Variants in LGSN observed in about 807,000 individuals in gnomAD.
The protein encoded by LGSN is lengsin, lens protein with glutamine synthetase domain, also known as lengsin.
LGSN carries 21 observed loss-of-function variants against 19.5 expected under a neutral mutation model. That is an observed-to-expected ratio of 1.07 (90% CI 0.76 to 1.55). The LOEUF is 1.55. Among genes scored for constraint, LGSN ranks in the 40% most tolerant of loss-of-function variants. LGSN has a pLI of 0.00. For synonymous variants in LGSN, 257 were observed against 215.6 expected (o/e 1.19, Z -1.68); for missense variants, 673 against 608.5 (o/e 1.11, Z -1.12).
chr6:63,531,512 C>CTA, the LGSN span, among the ~76,000 whole-genome samples: 1 of 128,538 alleles, frequency 7.8e-6, no homozygotes, highest in Non-Finnish European at 1.7e-5. Context: ...ATCTATTATG[C>CTA]TTTTTTTTTT....
At chr6:63,533,348 C>T in the LGSN span, among the ~76,000 whole-genome samples, 57 of 152,262 alleles carry the variant, frequency 3.7e-4, no homozygotes, top group East Asian at 0.011. Flanking sequence ...TGACACTGCA[C>T]TTCAGCCTGG....
rs756831246 is a variant in LGSN at position 63,280,058 on chromosome 6, G to A, written c.1493C>T (p.Ala498Val). The A allele has an allele frequency of 6.8e-6, 11 of 1,610,956 alleles. No homozygotes were observed. The highest frequency in any genetic ancestry group is 7.6e-6 in the Non-Finnish European group (9 of 1,178,202). ...KKYELENEEIAAERNKFLEYF... is the reference protein window; with the variant it reads ...KKYELENEEIVAERNKFLEYF... Reference sequence around the variant, plus strand: ...CTCTAAGAATTTATTTCTCTCTGCAGCTATTTCTTCATTCTCCAACTCATA... The same window carrying A: ...CTCTAAGAATTTATTTCTCTCTGCAACTATTTCTTCATTCTCCAACTCATA... Residue 498 changes from alanine to valine, a missense_variant, in exon 4 of 4, where the codon GCT becomes GTT. Transcript: ENST00000370657.
chr6:63,570,534 G>A, the LGSN span, among the ~76,000 whole-genome samples: 1 of 152,190 alleles, frequency 6.6e-6, no homozygotes, highest in East Asian at 1.9e-4. Context: ...ACTGCTTGTG[G>A]TAATTACAGG....
At chr6:63,368,297 G>A in the LGSN span, among the ~76,000 whole-genome samples, 41 of 152,128 alleles carry the variant, frequency 2.7e-4, no homozygotes, top group Non-Finnish European at 5.0e-4. Flanking sequence ...CTCTGATGGT[G>A]AATCTCTTAC....
the LGSN span, among the ~76,000 whole-genome samples, chr6:63,522,206 C>G: frequency 9.9e-5 from 15 of 152,256 alleles, no homozygotes; most frequent in African/African-American, 3.6e-4. Context: ...ATTCCTTTTT[C>G]TCCAAAGTAT....
chr6:63,372,524 C>T, the LGSN span, among the ~76,000 whole-genome samples: 2 of 152,088 alleles, frequency 1.3e-5, no homozygotes, highest in South Asian at 2.1e-4. Context: ...ATGCCACCAA[C>T]GGGATTTTCT....
the LGSN span, among the ~76,000 whole-genome samples, chr6:63,513,243 C>A: frequency 6.6e-6 from 1 of 152,276 alleles, no homozygotes; most frequent in East Asian, 1.9e-4. Flanking sequence ...TTATTATTGT[C>A]CCTTTTGCAA....
At chr6:63,339,612 G>C in the LGSN span, among the ~76,000 whole-genome samples, 1 of 151,940 alleles carries the variant, frequency 6.6e-6, no homozygotes, top group Non-Finnish European at 1.5e-5. Context: ...GTTCAGTCTT[G>C]GTTTTTTTCC....
At chr6:63,433,238 C>T in the LGSN span, among the ~76,000 whole-genome samples, 1 of 152,192 alleles carries the variant, frequency 6.6e-6, no homozygotes, top group African/African-American at 2.4e-5. Flanking sequence ...CCAGAAACTT[C>T]CTGTCTACTT....
the LGSN span, among the ~76,000 whole-genome samples, chr6:63,556,190 T>C: frequency 6.6e-6 from 1 of 152,136 alleles, no homozygotes; most frequent in Admixed American, 6.5e-5. Flanking sequence ...TTTATTTATT[T>C]TGAGACAGGC....
the LGSN span, among the ~76,000 whole-genome samples, chr6:63,473,304 C>G: frequency 2.0e-5 from 3 of 151,616 alleles, no homozygotes; most frequent in Admixed American, 2.0e-4. Flanking sequence ...AAAACCCTGT[C>G]TCTACTAAAA....
chr6:63,325,146 A>C, the LGSN span, among the ~76,000 whole-genome samples: 1 of 151,698 alleles, frequency 6.6e-6, no homozygotes, highest in Non-Finnish European at 1.5e-5. Context: ...CAAATATATA[A>C]TCTAATGATG....
intron 2 of LGSN, chr6:63,293,995 A>C: frequency 3.0e-6 from 1 of 335,544 alleles, no homozygotes; most frequent in Non-Finnish European, 5.9e-6. Context: ...GGAGTGGTCT[A>C]CCCTAGTCAC....
At chr6:63,298,674 C>T (rs1382722164) in intron 1 of LGSN, among the ~76,000 whole-genome samples, 1 of 152,064 alleles carries the variant, frequency 6.6e-6, no homozygotes, top group Non-Finnish European at 1.5e-5. Context: ...ATTATTAGGT[C>T]CCACAAGCTG....
intron 2 of LGSN, among the ~76,000 whole-genome samples, chr6:63,294,573 A>G (rs1767902986): frequency 6.6e-6 from 1 of 151,790 alleles, no homozygotes; most frequent in Admixed American, 6.6e-5. Context: ...TACCTTTCTT[A>G]TGGCCCCTCA....
the LGSN span, among the ~76,000 whole-genome samples, chr6:63,402,737 T>C: frequency 6.6e-6 from 1 of 152,140 alleles, no homozygotes; most frequent in East Asian, 1.9e-4. Context: ...TAAGCCATAG[T>C]ACCCAGATGT....
intron 2 of LGSN, among the ~76,000 whole-genome samples, chr6:63,289,357 C>CAAGA: frequency 6.6e-6 from 1 of 152,178 alleles, no homozygotes; most frequent in Non-Finnish European, 1.5e-5. Flanking sequence ...ATCAACTGAT[C>CAAGA]TTGCTGCATC....
upstream of LGSN, among the ~76,000 whole-genome samples, chr6:63,322,815 T>C (rs1769116336): frequency 6.6e-6 from 1 of 152,096 alleles, no homozygotes; most frequent in Admixed American, 6.6e-5. Flanking sequence ...TGAGGACAGG[T>C]AGAAAATCAG....
the LGSN span, among the ~76,000 whole-genome samples, chr6:63,416,173 C>T: frequency 6.8e-6 from 1 of 146,196 alleles, no homozygotes; most frequent in African/African-American, 2.5e-5. Flanking sequence ...CATGGCTCAT[C>T]TCTGAAAAAA....
Sources: allele counts gnomAD v4.1 joint callset (sites outside exome capture counted in the v4.1 genomes callset), GRCh38; gene constraint gnomAD v4.1.1; transcripts MANE v1.5; gene names NCBI Gene and HGNC (gene_info 2026-07-23, HGNC 2026-07-21).